Variants in KANSL1 observed in about 807,000 individuals in gnomAD.
KANSL1 encodes the protein MLL1/MLL complex subunit KANSL1.
In KANSL1, 22 loss-of-function variants were observed where a neutral mutation model predicts 103.6. That is an observed-to-expected ratio of 0.21 (90% CI 0.15 to 0.30). KANSL1 has a LOEUF of 0.30. KANSL1 is among the 10% of genes least tolerant of loss of function. The pLI is 1.00. For synonymous variants in KANSL1, 600 were observed against 527.6 expected (o/e 1.14, Z -1.88); for missense variants, 1,337 against 1,399.8 (o/e 0.96, Z 0.72).
chr17:46,220,336 C>T (rs751501805), intron 1 of KANSL1, among the ~76,000 whole-genome samples: 62 of 151,796 alleles, frequency 4.1e-4, no homozygotes, highest in Admixed American at 7.9e-4. Context: ...CCTGCCTCAG[C>T]CTCCCAAGTA....
chr17:46,148,924 CCT>C (rs1211431355), intron 2 of KANSL1, among the ~76,000 whole-genome samples: 2 of 151,524 alleles, frequency 1.3e-5, no homozygotes, highest in Non-Finnish European at 2.9e-5. Context: ...AAATTCCTCC[CCT>C]CTCCCTAGAC....
At chr17:46,074,187 G>A (rs985082655) in intron 4 of KANSL1, among the ~76,000 whole-genome samples, 3 of 152,110 alleles carry the variant, frequency 2.0e-5, no homozygotes, top group African/African-American at 7.2e-5. Context: ...GTATTAGAAA[G>A]TATTTCAAAA....
intron 7 of KANSL1, chr17:46,043,061 G>T (rs1438886442): frequency 6.6e-6 from 1 of 152,140 alleles, no homozygotes; most frequent in African/African-American, 2.4e-5. Flanking sequence ...TTGTCTAGAA[G>T]CATTCGGCCC....
At chr17:46,190,237 C>T (rs2047249369) in intron 1 of KANSL1, among the ~76,000 whole-genome samples, 1 of 152,228 alleles carries the variant, frequency 6.6e-6, no homozygotes, top group African/African-American at 2.4e-5. Context: ...TCACTTTCTT[C>T]TCACCTTGAT....
chr17:46,114,951 C>G (rs997975785), intron 2 of KANSL1, among the ~76,000 whole-genome samples: 1 of 152,208 alleles, frequency 6.6e-6, no homozygotes, highest in East Asian at 1.9e-4. Flanking sequence ...TAGACACTCT[C>G]TAAAGATCTG....
upstream of KANSL1, among the ~76,000 whole-genome samples, chr17:46,195,233 C>T (rs1450170461): frequency 6.6e-6 from 1 of 152,212 alleles, no homozygotes; most frequent in Admixed American, 6.5e-5. Context: ...AGGCAAAGCC[C>T]TTTGCAGCGT....
At chr17:46,064,935 GGTTA>G (rs1247780107) in intron 6 of KANSL1, among the ~76,000 whole-genome samples, 1 of 151,672 alleles carries the variant, frequency 6.6e-6, no homozygotes, top group Non-Finnish European at 1.5e-5. Context: ...ACAACGTGCA[GGTTA>G]GTTACATATG....
At position 46,031,440 on chromosome 17, in the gene KANSL1, A is replaced by G; in HGVS notation, c.*36T>C. ...AGAGATTTCTGAAGCTTTAATGCCA[A>G]TAGTTAGTGAGTCTGTTTAGATGGC... On this transcript the variant is annotated 3_prime_UTR_variant, in exon 15 of 15. Transcript: ENST00000432791. 6.6e-7 allele frequency: 1 copy of G among 1,522,668 alleles called. No homozygotes were observed. The highest frequency in any genetic ancestry group is 8.9e-7 in the Non-Finnish European group (1 of 1,120,914). 94.3% of individuals were successfully genotyped at this position (1,522,668 alleles called of 1,614,324 possible).
At chr17:46,135,249 A>G (rs1284023618) in intron 2 of KANSL1, among the ~76,000 whole-genome samples, 1 of 142,786 alleles carries the variant, frequency 7.0e-6, no homozygotes, top group Non-Finnish European at 1.6e-5. Context: ...AAATAGTCCA[A>G]GTAAGGGGTG....
intron 1 of KANSL1, among the ~76,000 whole-genome samples, chr17:46,212,717 A>C (rs2048202909): frequency 6.6e-6 from 1 of 152,182 alleles, no homozygotes; most frequent in Non-Finnish European, 1.5e-5. Context: ...AAATTCCTAG[A>C]TGTGCAATTA....
chr17:46,063,435 T>C (rs1432334785), intron 6 of KANSL1, among the ~76,000 whole-genome samples: 1 of 152,138 alleles, frequency 6.6e-6, no homozygotes, highest in Non-Finnish European at 1.5e-5. Flanking sequence ...CAAATACCAC[T>C]GAGGTCATGT....
At chr17:46,055,527 A>C (rs2077894742) in intron 6 of KANSL1, among the ~76,000 whole-genome samples, 1 of 152,094 alleles carries the variant, frequency 6.6e-6, no homozygotes, top group Non-Finnish European at 1.5e-5. Flanking sequence ...AATGCCCTGG[A>C]ATAAGTTTAA....
chr17:46,155,155 A>AT (rs33974360), intron 2 of KANSL1, among the ~76,000 whole-genome samples: 7,327 of 103,726 alleles, frequency 0.071, 330 homozygotes, highest in South Asian at 0.097. Flanking sequence ...TCAGCCAGGG[A>AT]TTTTTTTTTT....
intron 10 of KANSL1, 100 bp from the exon 11 acceptor site, chr17:46,034,385 G>C: frequency 1.5e-6 from 2 of 1,352,000 alleles, no homozygotes; most frequent in Non-Finnish European, 2.1e-6. Context: ...CCAAGCATCT[G>C]GGTCCTTGGG....
chr17:46,029,955 CTTTTTT>C lies in KANSL1; in HGVS notation c.*1515_*1520del, dbSNP rs67801660. 6.9e-5 allele frequency: 10 copies of C among 145,566 alleles called. No homozygotes were observed. Among genetic ancestry groups the C allele is most frequent in the Non-Finnish European group, 1.5e-4 (10 of 66,166 alleles). 9.0% of individuals were successfully genotyped at this position (145,566 alleles called of 1,614,324 possible). On this transcript the variant is annotated 3_prime_UTR_variant, in exon 15 of 15. Coordinates refer to ENST00000432791, the MANE Select transcript of KANSL1 (RefSeq NM_015443.4). ...TTTTTATTTTTTTCAATTTTTCCTT[CTTTTTT>C]TTTTTTAAGCACTAGTCTGTGCTTT...
intron 1 of KANSL1, among the ~76,000 whole-genome samples, chr17:46,220,215 T>G (rs1327634040): frequency 2.6e-5 from 4 of 151,850 alleles, no homozygotes; most frequent in African/African-American, 9.7e-5. Context: ...TGCTGTTCTT[T>G]AAAATTTTTT....
intron 2 of KANSL1, among the ~76,000 whole-genome samples, chr17:46,155,014 A>T (rs777061818): frequency 6.6e-6 from 1 of 152,216 alleles, no homozygotes; most frequent in Non-Finnish European, 1.5e-5. Context: ...TGCTTACTAT[A>T]CAATTAAAAT....
chr17:46,127,477 G>C (rs1395593150), intron 2 of KANSL1, among the ~76,000 whole-genome samples: 1 of 152,198 alleles, frequency 6.6e-6, no homozygotes. Context: ...AAAAGAAACA[G>C]TTTTAAACAG....
intron 1 of KANSL1, among the ~76,000 whole-genome samples, chr17:46,185,692 T>TATATAC (rs754864409): frequency 6.2e-5 from 9 of 144,312 alleles, no homozygotes; most frequent in African/African-American, 2.2e-4. Context: ...CACACATATA[T>TATATAC]ACACACACAC....
Sources: allele counts gnomAD v4.1 joint callset (sites outside exome capture counted in the v4.1 genomes callset), GRCh38; gene constraint gnomAD v4.1.1; transcripts MANE v1.5; gene names NCBI Gene and HGNC (gene_info 2026-07-23, HGNC 2026-07-21).